Variants in NDST3 observed in about 807,000 individuals in gnomAD.
NDST3 encodes bifunctional heparan sulfate N-deacetylase/N-sulfotransferase 3.
A neutral mutation model predicts 96.1 loss-of-function variants in NDST3; 58 were observed. That is an observed-to-expected ratio of 0.60 (90% CI 0.49 to 0.75). The LOEUF is 0.75. Ranked by LOEUF, NDST3 falls within the 30% of genes least tolerant of loss-of-function variation. NDST3 has a pLI of 0.00. For missense variants in NDST3, 788 were observed against 1,034.2 expected, an observed-to-expected ratio of 0.76 and a Z score of 3.27; for synonymous variants, 333 against 359.7, an observed-to-expected ratio of 0.93 and a Z score of 0.84.
At chr4:118,085,987 A>G (rs1728388517) in intron 2 of NDST3, among the ~76,000 whole-genome samples, 1 of 152,146 alleles carries the variant, frequency 6.6e-6, no homozygotes, top group Non-Finnish European at 1.5e-5. Context: ...TATTCTCTCA[A>G]CAGACATTTT....
intron 10 of NDST3, 132 bp from the exon 11 acceptor site, chr4:118,240,392 A>G (rs1740929529): frequency 1.5e-6 from 1 of 651,590 alleles, no homozygotes; most frequent in Non-Finnish European, 2.3e-6. Flanking sequence ...TTCCTTTACT[A>G]ATTTCAAAAT....
At chr4:118,251,126 TTTTA>T (rs1560747616) in intron 12 of NDST3, among the ~76,000 whole-genome samples, 19 of 56,316 alleles carry the variant, frequency 3.4e-4, no homozygotes, top group Non-Finnish European at 8.8e-4. Flanking sequence ...ATTATTTTTA[TTTTA>T]TTTTTTTTTT....
rs1741901433 is a variant in NDST3, at chr4:118,253,539, G to A, written c.2440G>A (p.Glu814Lys). Residue 814 changes from glutamate (E) to lysine (K), a missense_variant, in exon 13 of 14, where the codon GAA (glutamate) becomes AAA (lysine). By Grantham distance (56) the Glu-to-Lys change is moderately conservative (BLOSUM62 1). This residue lies in a region of NDST3 where 64 missense variants were observed against 68.5 expected (regional missense o/e 0.93). Transcript: ENST00000296499. ...AGGTTTCTGGTGTCAGTTACTGGAA[G>A]AAGGTAAAACAAAATGCCTTGGAAA... ...HKGFWCQLLE[E>K]GKTKCLGKSK... is the part of the protein sequence containing the mutation. 6.2e-7 allele frequency: 1 copy of A among 1,612,554 alleles called. No homozygotes were observed. The highest frequency in any genetic ancestry group is 1.3e-5 in the African/African-American group (1 of 74,760).
intron 2 of NDST3, among the ~76,000 whole-genome samples, chr4:118,088,812 C>T (rs1253772492): frequency 6.6e-6 from 1 of 151,838 alleles, no homozygotes; most frequent in Non-Finnish European, 1.5e-5. Flanking sequence ...GACAGTTATG[C>T]CTTGGTTGAG....
intron 6 of NDST3, among the ~76,000 whole-genome samples, chr4:118,218,809 A>G (rs1314635050): frequency 6.6e-6 from 1 of 152,160 alleles, no homozygotes; most frequent in Non-Finnish European, 1.5e-5. Flanking sequence ...TCTCAGCTCC[A>G]AACTCGTTAA....
At chr4:118,034,774 G>A (rs1455780804) in intron 1 of NDST3, among the ~76,000 whole-genome samples, 182 bp downstream of exon 1, 1 of 152,156 alleles carries the variant, frequency 6.6e-6, no homozygotes, top group African/African-American at 2.4e-5. Context: ...ACAAAGGACC[G>A]TCTCATTCAG....
chr4:118,140,929 G>C (rs1350116625), intron 5 of NDST3, among the ~76,000 whole-genome samples: 1 of 152,114 alleles, frequency 6.6e-6, no homozygotes, highest in Non-Finnish European at 1.5e-5. Context: ...ATATCAGCCA[G>C]AGACCTCTAA....
At position 118,255,687 on chromosome 4, in the gene NDST3, G is replaced by A. The variant is rs769294274; in HGVS notation, c.2597G>A (p.Arg866Lys). 6.2e-6 allele frequency: 10 copies of A among 1,613,340 alleles called. No individual in the cohort carries two copies. The highest frequency in any genetic ancestry group is 8.5e-6 in the Non-Finnish European group (10 of 1,179,614). ...KLGQPLPSWLRQELQKVR is the reference protein window; with the variant it reads ...KLGQPLPSWLKQELQKVR ...GGTCAGCCTCTGCCATCCTGGCTGAGACAGGAGCTGCAGAAAGTAAGATAG... is the reference window on the plus strand; with the variant it reads ...GGTCAGCCTCTGCCATCCTGGCTGAAACAGGAGCTGCAGAAAGTAAGATAG... The change falls in exon 14 of 14, where the codon AGA (arginine) becomes AAA (lysine). Residue 866 changes from arginine to lysine, a missense_variant. Coordinates refer to ENST00000296499, the MANE Select transcript of NDST3 (RefSeq NM_004784.3).
intron 6 of NDST3, among the ~76,000 whole-genome samples, chr4:118,180,121 G>T (rs554764852): frequency 6.6e-6 from 1 of 152,140 alleles, no homozygotes; most frequent in Non-Finnish European, 1.5e-5. Context: ...CTTTATTTTA[G>T]ATTCAGGGGA....
At chr4:118,142,129 GTTA>G (rs1454224927) in intron 5 of NDST3, among the ~76,000 whole-genome samples, 1 of 151,472 alleles carries the variant, frequency 6.6e-6, no homozygotes, top group Non-Finnish European at 1.5e-5. Flanking sequence ...GTTGTTTTTT[GTTA>G]TTATTTTTGT....
intron 6 of NDST3, among the ~76,000 whole-genome samples, chr4:118,221,439 C>T (rs1238268641): frequency 1.3e-5 from 2 of 151,980 alleles, no homozygotes; most frequent in Admixed American, 6.6e-5. Context: ...CACATTTCCT[C>T]TCCTCTTCCC....
intron 4 of NDST3, among the ~76,000 whole-genome samples, chr4:118,131,073 T>C (rs1732570651): frequency 6.6e-6 from 1 of 152,210 alleles, no homozygotes; most frequent in African/African-American, 2.4e-5. Flanking sequence ...ATCTGCTTGG[T>C]GCTCCATAAC....
intron 12 of NDST3, among the ~76,000 whole-genome samples, chr4:118,244,946 T>C (rs927476241): frequency 6.6e-6 from 1 of 152,144 alleles, no homozygotes; most frequent in African/African-American, 2.4e-5. Context: ...AAAATAAGCT[T>C]TAAAAATATA....
intron 2 of NDST3, among the ~76,000 whole-genome samples, chr4:118,092,056 A>ATTTCTTTATTTG (rs1553930188): frequency 6.7e-6 from 1 of 148,388 alleles, no homozygotes; most frequent in Non-Finnish European, 1.5e-5. Flanking sequence ...TTTCTTATTT[A>ATTTCTTTATTTG]TTTATTTATT....
chr4:118,230,676 G>C (rs1740225444), intron 8 of NDST3, among the ~76,000 whole-genome samples: 1 of 152,188 alleles, frequency 6.6e-6, no homozygotes, highest in Admixed American at 6.5e-5. Context: ...GCCCCCAGAT[G>C]AATCTGATAC....
intron 10 of NDST3, among the ~76,000 whole-genome samples, chr4:118,240,153 A>G (rs1740915599): frequency 1.3e-5 from 2 of 151,856 alleles, no homozygotes; most frequent in African/African-American, 2.4e-5. Context: ...TCTATTATAG[A>G]TATTCACTGG....
chr4:118,052,773 T>G (rs2110444183), intron 1 of NDST3, among the ~76,000 whole-genome samples: 1 of 152,116 alleles, frequency 6.6e-6, no homozygotes, highest in South Asian at 2.1e-4. Context: ...CCAGAGGAAG[T>G]GTAATCCTAA....
intron 4 of NDST3, among the ~76,000 whole-genome samples, chr4:118,122,938 C>T (rs1486665177): frequency 6.6e-6 from 1 of 152,118 alleles, no homozygotes; most frequent in African/African-American, 2.4e-5. Flanking sequence ...GGTTTTATCC[C>T]AGGTCTGTCT....
At chr4:118,151,255 G>A (rs1734374153) in intron 6 of NDST3, among the ~76,000 whole-genome samples, 2 of 152,140 alleles carry the variant, frequency 1.3e-5, no homozygotes, top group African/African-American at 2.4e-5. Context: ...AGTGAGAGGG[G>A]AGGGATAGCA....
Sources: allele counts gnomAD v4.1 joint callset (sites outside exome capture counted in the v4.1 genomes callset), GRCh38; gene constraint gnomAD v4.1.1; regional missense constraint gnomAD v4.1.1; transcripts MANE v1.5; gene names NCBI Gene and HGNC (gene_info 2026-07-23, HGNC 2026-07-21).